Variants in MEGF10 observed in about 807,000 individuals in gnomAD.
MEGF10 encodes the protein multiple EGF like domains 10.
In MEGF10, 86 loss-of-function variants were observed where a neutral mutation model predicts 147.5. That is an observed-to-expected ratio of 0.58 (90% CI 0.49 to 0.70). The LOEUF (loss-of-function observed/expected upper bound fraction) is 0.70. MEGF10 is among the 30% of genes least tolerant of loss of function. MEGF10 has a pLI of 0.00. For missense variants in MEGF10, 1,329 were observed against 1,487.3 expected (o/e 0.89, Z 1.75); for synonymous variants, 478 against 525.5 (o/e 0.91, Z 1.24).
intron 23 of MEGF10, among the ~76,000 whole-genome samples, chr5:127,455,024 C>G (rs542703391): frequency 6.6e-6 from 1 of 152,160 alleles, no homozygotes; most frequent in East Asian, 1.9e-4. Flanking sequence ...GTCCTCCCAG[C>G]ACAAATGCCT....
chr5:127,277,693 A>G, the MEGF10 span, among the ~76,000 whole-genome samples: 1 of 152,192 alleles, frequency 6.6e-6, no homozygotes, highest in African/African-American at 2.4e-5. Flanking sequence ...CCACTGCATT[A>G]ATTCAGGGGT....
At chr5:127,338,511 G>A (rs149230111) in intron 2 of MEGF10, among the ~76,000 whole-genome samples, 2 of 152,210 alleles carry the variant, frequency 1.3e-5, no homozygotes, top group East Asian at 3.9e-4. Context: ...CTGTTGGTAT[G>A]ATTATTTTAG....
chr5:127,433,502 T>A lies in MEGF10; in HGVS notation c.1833T>A (p.Cys611Ter). 1 of 1,605,258 alleles carries A rather than the reference T, an allele frequency of 6.2e-7. No individual in the cohort carries two copies. The highest frequency in any genetic ancestry group is 8.5e-7 in the Non-Finnish European group (1 of 1,175,526). ...ECAPGFRGTT[C>*]QRICSPGFYG... ...CACCAGGCTTCCGAGGCACCACTTG[T>A]CAGAGGAGTAAGTGTCTCATTAGGC... The change falls in exon 14 of 25, where the codon TGT becomes TGA. Residue 611 changes from cysteine (C) to a stop codon, truncating the protein, a stop_gained. Coordinates refer to ENST00000503335, the MANE Select transcript of MEGF10 (RefSeq NM_001256545.2). LOFTEE classifies it high-confidence loss of function.
At chr5:127,275,495 A>T in the MEGF10 span, among the ~76,000 whole-genome samples, 1 of 152,094 alleles carries the variant, frequency 6.6e-6, no homozygotes, top group Non-Finnish European at 1.5e-5. Flanking sequence ...TACTACAGAA[A>T]CTCACATTTA....
At chr5:127,316,019 G>T (rs185391134) in intron 1 of MEGF10, among the ~76,000 whole-genome samples, 29 of 152,298 alleles carry the variant, frequency 1.9e-4, no homozygotes, top group African/African-American at 7.0e-4. Flanking sequence ...GCTGAAATGG[G>T]TCCCTGTACC....
chr5:127,337,767 A>G (rs575699883), intron 2 of MEGF10, among the ~76,000 whole-genome samples: 2 of 152,120 alleles, frequency 1.3e-5, no homozygotes, highest in East Asian at 1.9e-4. Context: ...GACTCCTTTT[A>G]TTTTAAAACG....
chr5:127,284,454 GAACC>G, the MEGF10 span, among the ~76,000 whole-genome samples: 1 of 151,884 alleles, frequency 6.6e-6, no homozygotes, highest in South Asian at 2.1e-4. Flanking sequence ...GAGATTTGAG[GAACC>G]ACAGTAAGCA....
At chr5:127,237,118 T>G in the MEGF10 span, among the ~76,000 whole-genome samples, 16 of 152,210 alleles carry the variant, frequency 1.1e-4, no homozygotes, top group Admixed American at 1.0e-3. Context: ...GGTCTTGTGA[T>G]CTAAGTCAGT....
chr5:127,258,492 A>G, the MEGF10 span, among the ~76,000 whole-genome samples: 3 of 152,198 alleles, frequency 2.0e-5, no homozygotes, highest in African/African-American at 7.2e-5. Flanking sequence ...TTGGAGCAAT[A>G]TTACTTTGAA....
intron 5 of MEGF10, among the ~76,000 whole-genome samples, chr5:127,374,748 G>A (rs571014413): frequency 1.3e-5 from 2 of 152,080 alleles, no homozygotes; most frequent in Admixed American, 6.6e-5. Flanking sequence ...AAAGAAAATA[G>A]CAAATAAAAT....
intron 5 of MEGF10, among the ~76,000 whole-genome samples, chr5:127,390,483 G>A (rs999273157): frequency 1.3e-5 from 2 of 151,956 alleles, no homozygotes; most frequent in African/African-American, 4.8e-5. Flanking sequence ...TAGAGATAGG[G>A]GCTTGCTGTG....
At chr5:127,341,131 T>A (rs1761666693) in intron 4 of MEGF10, among the ~76,000 whole-genome samples, 1 of 152,120 alleles carries the variant, frequency 6.6e-6, no homozygotes, top group African/African-American at 2.4e-5. Flanking sequence ...TTCATTGTCA[T>A]TTTCCCTCTT....
chr5:127,355,658 G>A (rs563806962), intron 4 of MEGF10, among the ~76,000 whole-genome samples: 5 of 152,160 alleles, frequency 3.3e-5, no homozygotes, highest in East Asian at 1.9e-4. Flanking sequence ...AGTTTGGGTC[G>A]TTGGTCTCTG....
chr5:127,317,587 C>A (rs1760612007), intron 1 of MEGF10, among the ~76,000 whole-genome samples: 1 of 152,098 alleles, frequency 6.6e-6, no homozygotes, highest in African/African-American at 2.4e-5. Context: ...AGGATGAGTT[C>A]ATGTGCTTTG....
At chr5:127,368,775 CAT>C (rs1762745161) in intron 4 of MEGF10, among the ~76,000 whole-genome samples, 1 of 151,848 alleles carries the variant, frequency 6.6e-6, no homozygotes, top group Admixed American at 6.6e-5. Context: ...TATATACACA[CAT>C]ATTAAATATA....
chr5:127,379,298 G>A (rs150718700), intron 5 of MEGF10, among the ~76,000 whole-genome samples: 1 of 152,166 alleles, frequency 6.6e-6, no homozygotes, highest in Non-Finnish European at 1.5e-5. Flanking sequence ...TGAGACTAGC[G>A]TGATCTTGTA....
chr5:127,245,785 G>C, the MEGF10 span, among the ~76,000 whole-genome samples: 1 of 152,278 alleles, frequency 6.6e-6, no homozygotes, highest in South Asian at 2.1e-4. Flanking sequence ...CCATCAAAAA[G>C]TGGGTGAAGG....
chr5:127,454,198 ACCATCAGAGCCTTGAAAGAGC>A (rs1445922979), intron 22 of MEGF10, among the ~76,000 whole-genome samples: 1 of 152,176 alleles, frequency 6.6e-6, no homozygotes, highest in Non-Finnish European at 1.5e-5. Flanking sequence ...CTATTTGAAA[ACCATCAGAGCCTTGAAAGAGC>A]TGCACGTAGG....
In MEGF10 at chr5:127,428,952, C is replaced by T. The variant is rs185565168; in HGVS notation, c.1694-4411C>T. 1.4e-3 allele frequency among the ~76,000 whole-genome samples: 216 copies of T among 152,328 alleles called. 2 individuals carry two copies. The highest frequency in any genetic ancestry group is 0.014 in the Middle Eastern group (4 of 294). ...AGAGCTGCTTAGCTGAAGTTTATCA[C>T]GATCATTCAGCCATTGCCTAGCAAC... On this transcript the variant is annotated intron_variant, in intron 13 of 24. Coordinates refer to ENST00000503335, the MANE Select transcript of MEGF10 (RefSeq NM_001256545.2).
Sources: gnomAD v4.1 joint callset for allele counts (sites outside exome capture counted in the v4.1 genomes callset) on GRCh38, gnomAD v4.1.1 for gene constraint, MANE v1.5 for transcripts, NCBI Gene and HGNC (gene_info 2026-07-23, HGNC 2026-07-21) for gene names.